Variants in UBE2E2 observed in about 807,000 individuals in gnomAD.
The protein encoded by UBE2E2 is ubiquitin conjugating enzyme E2 E2.
UBE2E2 carries 6 observed loss-of-function variants against 24.7 expected under a neutral mutation model. The ratio of observed to expected loss-of-function variants is 0.24; its 90% CI spans 0.13 to 0.48. The LOEUF is 0.48. Ranked by LOEUF, UBE2E2 falls within the 20% of genes least tolerant of loss-of-function variation. The probability of loss-of-function intolerance (pLI) is 0.99; values close to 1 mark genes in which losing one functional copy is unlikely to be tolerated. For missense variants in UBE2E2, 169 were observed against 245.0 expected (o/e 0.69, Z 2.07); for synonymous variants, 104 against 83.6 (o/e 1.24, Z -1.33).
chr3:23,560,582 A>G (rs536487082), intron 5 of UBE2E2, among the ~76,000 whole-genome samples: 1 of 152,004 alleles, frequency 6.6e-6, no homozygotes, highest in Non-Finnish European at 1.5e-5. Flanking sequence ...GTATACGCCC[A>G]GTAATGGGAT....
intron 4 of UBE2E2, among the ~76,000 whole-genome samples, chr3:23,521,574 T>A (rs918237759): frequency 1.3e-5 from 2 of 152,206 alleles, no homozygotes; most frequent in Non-Finnish European, 2.9e-5. Flanking sequence ...AAGTTTGTTA[T>A]TCAAGAGCAA....
chr3:23,394,350 C>T (rs1416877760), intron 3 of UBE2E2, among the ~76,000 whole-genome samples: 1 of 152,066 alleles, frequency 6.6e-6, no homozygotes, highest in South Asian at 2.1e-4. Flanking sequence ...TATATTTTTA[C>T]GAAATTGTGT....
intron 3 of UBE2E2, among the ~76,000 whole-genome samples, chr3:23,492,101 C>T (rs1168209988): frequency 1.3e-5 from 2 of 152,112 alleles, no homozygotes; most frequent in Admixed American, 6.6e-5. Flanking sequence ...CCTAAGTAGG[C>T]AGACATTGAA....
chr3:23,323,787 G>A (rs192005044), intron 3 of UBE2E2, among the ~76,000 whole-genome samples: 125 of 152,060 alleles, frequency 8.2e-4, no homozygotes, highest in Non-Finnish European at 1.4e-3. Flanking sequence ...GAAGGCTGCC[G>A]TTTTTCACAG....
chr3:23,575,275 A>G (rs997918409), intron 5 of UBE2E2, among the ~76,000 whole-genome samples: 1 of 152,186 alleles, frequency 6.6e-6, no homozygotes, highest in African/African-American at 2.4e-5. Context: ...AGTAAGTCCA[A>G]GTGATGATGT....
intron 5 of UBE2E2, among the ~76,000 whole-genome samples, chr3:23,578,952 C>T (rs1266646380): frequency 6.6e-6 from 1 of 152,090 alleles, no homozygotes; most frequent in South Asian, 2.1e-4. Context: ...TTTTTAAATA[C>T]TACTACTGGT....
chr3:23,298,596 A>C (rs560576436), intron 3 of UBE2E2, among the ~76,000 whole-genome samples: 2 of 151,768 alleles, frequency 1.3e-5, no homozygotes, highest in Non-Finnish European at 2.9e-5. Context: ...ACGTTTATTG[A>C]TTTGCATATA....
intron 5 of UBE2E2, among the ~76,000 whole-genome samples, chr3:23,574,717 G>C (rs994795987): frequency 1.4e-4 from 21 of 152,244 alleles, no homozygotes; most frequent in Admixed American, 1.3e-3. Context: ...AACATGATGA[G>C]ACCTTGTCCC....
intron 3 of UBE2E2, among the ~76,000 whole-genome samples, chr3:23,452,232 A>G (rs910090556): frequency 6.6e-6 from 1 of 152,234 alleles, no homozygotes; most frequent in Non-Finnish European, 1.5e-5. Flanking sequence ...AGCACGATAT[A>G]TCTAGCTACT....
rs555122305 is a variant in UBE2E2 at position 23,535,662 on chromosome 3, C to T, written c.508+2961C>T. Among the ~76,000 whole-genome samples the T allele has an allele frequency of 6.7e-5, 8 of 118,916 alleles. No individual in the cohort carries two copies. In the East Asian group the frequency reaches 8.1e-4, roughly 12 times the overall value. The allele number at this position is 118,916 out of a possible 152,430, so 78.0% of individuals were successfully genotyped here. On this transcript the variant is annotated intron_variant, in intron 5 of 5. Transcript: ENST00000396703. ...TTTTTGAGATGGAGTCTCGCTCTGT[C>T]GCCCAGGCTGGATTGCAATGGCACG... is the stretch of plus-strand genomic sequence containing the variant.
At position 23,308,619 on chromosome 3, in the gene UBE2E2, A is replaced by G. The variant is rs182867925; in HGVS notation, c.227+91307A>G. Among the ~76,000 whole-genome samples, 355 of 152,312 alleles carry G rather than the reference A, an allele frequency of 2.3e-3. 3 individuals are homozygous for G. Among genetic ancestry groups the G allele is most frequent in the African/African-American group, 8.2e-3 (339 of 41,566 alleles). ...TAGACACTTGACATCTGTTAGTCTCAAAATTTGCTATGTTTTGGATCGCTT... is the reference window on the plus strand; with the variant it reads ...TAGACACTTGACATCTGTTAGTCTCGAAATTTGCTATGTTTTGGATCGCTT... On this transcript the variant is annotated intron_variant, in intron 3 of 5. Transcript: ENST00000396703.
rs1490809408 is a variant in UBE2E2, at chr3:23,355,225, G to C, written c.227+137913G>C. 4.0e-5 allele frequency among the ~76,000 whole-genome samples: 6 copies of C among 148,888 alleles called. 1 individual carries two copies. Among genetic ancestry groups the C allele is most frequent in the African/African-American group, 1.2e-4 (5 of 40,242 alleles). On this transcript the variant is annotated intron_variant, in intron 3 of 5. Transcript: ENST00000396703. ...AGGGGAACCTCACACTCTGGGGACT[G>C]GTGGGGGGTTGGGGGAGGGGGGAGG...
At chr3:23,263,257 A>C (rs1214812604) in intron 3 of UBE2E2, among the ~76,000 whole-genome samples, 1 of 152,190 alleles carries the variant, frequency 6.6e-6, no homozygotes, top group Non-Finnish European at 1.5e-5. Flanking sequence ...TATTTATTTA[A>C]ATCTTTTATA....
At chr3:23,569,224 A>G (rs1213538792) in intron 5 of UBE2E2, among the ~76,000 whole-genome samples, 1 of 152,234 alleles carries the variant, frequency 6.6e-6, no homozygotes. Context: ...ACCAATCACA[A>G]GAGACTACAT....
At chr3:23,526,211 T>G (rs1383154477) in intron 4 of UBE2E2, among the ~76,000 whole-genome samples, 1 of 152,228 alleles carries the variant, frequency 6.6e-6, no homozygotes, top group Admixed American at 6.5e-5. Flanking sequence ...TATTGAATGC[T>G]TACTGAATTT....
intron 3 of UBE2E2, among the ~76,000 whole-genome samples, chr3:23,248,244 A>G (rs1046856591): frequency 1.3e-5 from 2 of 152,206 alleles, no homozygotes; most frequent in Admixed American, 1.3e-4. Context: ...ATTGTTTTTG[A>G]ATGTGGGAAC....
At chr3:23,503,794 A>C (rs946368057) in intron 4 of UBE2E2, among the ~76,000 whole-genome samples, 1 of 152,064 alleles carries the variant, frequency 6.6e-6, no homozygotes, top group Non-Finnish European at 1.5e-5. Flanking sequence ...ACGAGGCTGC[A>C]GTGAGCTGAG....
chr3:23,558,708 G>A (rs1375711104), intron 5 of UBE2E2, among the ~76,000 whole-genome samples: 1 of 152,134 alleles, frequency 6.6e-6, no homozygotes, highest in African/African-American at 2.4e-5. Context: ...TGCCCATCCA[G>A]GATGAGGATA....
intron 2 of UBE2E2, 141 bp downstream of exon 2, chr3:23,209,016 G>A (rs1016664698): frequency 8.5e-6 from 8 of 937,500 alleles, no homozygotes; most frequent in African/African-American, 6.8e-5. Context: ...AGATGATCTC[G>A]TTTACATGGT....
Sources: allele counts gnomAD v4.1 joint callset (sites outside exome capture counted in the v4.1 genomes callset), GRCh38; gene constraint gnomAD v4.1.1; transcripts MANE v1.5; gene names NCBI Gene and HGNC (gene_info 2026-07-23, HGNC 2026-07-21).